The following ADCY8 variants were observed in gnomAD, a reference collection of about 807,000 sequenced individuals.
ADCY8 encodes adenylate cyclase 8, also known as adenylate cyclase type 8.
ADCY8 carries 51 observed loss-of-function variants against 119.7 expected under a neutral mutation model. That is an observed-to-expected ratio of 0.43 (90% CI 0.34 to 0.54). The LOEUF is 0.54. Among genes scored for constraint, ADCY8 ranks in the 20% least tolerant of loss-of-function variants. ADCY8 has a pLI of 0.03. For missense variants in ADCY8, 1,383 were observed against 1,598.8 expected, an observed-to-expected ratio of 0.87 and a Z score of 2.30; for synonymous variants, 665 against 651.0, an observed-to-expected ratio of 1.02 and a Z score of -0.33.
Position 130,790,779 on chromosome 8 carries a change from C to T in ADCY8, c.3061-5304G>A, listed in dbSNP as rs1222440127. On this transcript the variant is annotated intron_variant, in intron 15 of 17. Coordinates refer to ENST00000286355, the MANE Select transcript of ADCY8 (RefSeq NM_001115.3). Reference sequence around the variant, plus strand: ...AATGAGAGATCCTTCCTCCGTCGATCCATTATACCTTTGGGCTGAGATGGC... The same window carrying T: ...AATGAGAGATCCTTCCTCCGTCGATTCATTATACCTTTGGGCTGAGATGGC... 2.0e-5 allele frequency among the ~76,000 whole-genome samples: 3 copies of T among 152,292 alleles called. No individual in the cohort carries two copies. The East Asian group carries it at 5.8e-4, about 29-fold the overall frequency.
intron 8 of ADCY8, among the ~76,000 whole-genome samples, chr8:130,871,629 G>T (rs7838870): frequency 0.39 from 58,549 of 151,958 alleles, 11,881 homozygotes; most frequent in East Asian, 0.61. Flanking sequence ...CTTTTCAATG[G>T]TGTTGCCTTG....
chr8:130,937,165 G>T lies in ADCY8; in HGVS notation c.1389C>A (p.Asp463Glu). 6.2e-7 allele frequency: 1 copy of T among 1,613,786 alleles called. No homozygotes were observed. Among genetic ancestry groups the T allele is most frequent in the Middle Eastern group, 1.7e-4 (1 of 6,056 alleles). Residue 463 changes from aspartate to glutamate, a missense_variant, in exon 5 of 18, where the codon GAC becomes GAA. By Grantham distance (45) the Asp-to-Glu change is conservative. This residue lies in a region of ADCY8 where 928 missense variants were observed against 1,163.5 expected (regional missense o/e 0.80). Transcript: ENST00000286355. ...GAAGTCCAGACACGCAGTAGTAGCA[G>T]TCCCCCAGGATTTTAATACGAAGGC... is the stretch of plus-strand genomic sequence containing the variant. The part of the protein sequence containing the change: ...HHCLRIKILG[D>E]CYYCVSGLPE...
chr8:130,882,952 C>T (rs915976129), intron 8 of ADCY8, among the ~76,000 whole-genome samples: 19 of 152,106 alleles, frequency 1.2e-4, no homozygotes, highest in African/African-American at 4.6e-4. Context: ...CCATGCAATG[C>T]ATAGCACAGG....
At chr8:131,014,087 A>G (rs2130784519) in intron 1 of ADCY8, among the ~76,000 whole-genome samples, 1 of 152,330 alleles carries the variant, frequency 6.6e-6, no homozygotes, top group South Asian at 2.1e-4. Context: ...AGACCAATCA[A>G]GTGGTCTCCC....
chr8:130,877,251 C>T (rs1448771481), intron 8 of ADCY8, among the ~76,000 whole-genome samples: 1 of 152,318 alleles, frequency 6.6e-6, no homozygotes, highest in African/African-American at 2.4e-5. Flanking sequence ...TGGCCATTAT[C>T]ATGCCCAATT....
At chr8:130,986,681 C>T (rs1268530463) in intron 2 of ADCY8, among the ~76,000 whole-genome samples, 3 of 152,180 alleles carry the variant, frequency 2.0e-5, no homozygotes, top group Admixed American at 6.5e-5. Context: ...ATACATGGCA[C>T]AGGCTGGTGA....
In ADCY8 at chr8:130,849,713, C is replaced by A. The variant is rs1448526744; in HGVS notation, c.2301G>T (p.Leu767Phe). 4 of 1,613,822 alleles carry A rather than the reference C, an allele frequency of 2.5e-6. No homozygotes were observed. Among genetic ancestry groups the A allele is most frequent in the Non-Finnish European group, 2.5e-6 (3 of 1,179,930 alleles). ...AGCAAGTTTTCCGGAGGATGAGGGG[C>A]AAACATTTATAATCCTCTGCTGTGG... ...LITTAEDYKC[L>F]PLILRKTCCW... The change falls in exon 10 of 18, where the codon TTG becomes TTT. Residue 767 changes from leucine to phenylalanine, a missense_variant. Leu to Phe is a conservative substitution (Grantham distance 22). This residue lies in a region of ADCY8 where 928 missense variants were observed against 1,163.5 expected (regional missense o/e 0.80). Transcript: ENST00000286355.
intron 9 of ADCY8, among the ~76,000 whole-genome samples, chr8:130,858,497 T>C (rs1463426501): frequency 6.6e-6 from 1 of 152,204 alleles, no homozygotes; most frequent in East Asian, 1.9e-4. Context: ...AGAGGTTATA[T>C]GCCATACTTA....
At chr8:130,837,485 C>A (rs775568560) in intron 11 of ADCY8, among the ~76,000 whole-genome samples, 1 of 152,170 alleles carries the variant, frequency 6.6e-6, no homozygotes, top group African/African-American at 2.4e-5. Context: ...CTCCACAGCA[C>A]CCTGCATAGA....
intron 5 of ADCY8, among the ~76,000 whole-genome samples, chr8:130,914,195 A>T (rs1750098037): frequency 1.3e-5 from 2 of 152,212 alleles, no homozygotes; most frequent in Admixed American, 1.3e-4. Context: ...CACATAGTTT[A>T]ATCTGACCCT....
rs537135309 is a variant in ADCY8 at position 130,930,183 on chromosome 8, C to T, written c.1481+6890G>A. Among the ~76,000 whole-genome samples, 20 of 151,498 alleles carry T rather than the reference C, an allele frequency of 1.3e-4. No individual in the cohort carries two copies. The South Asian group carries it at 4.2e-3, about 32-fold the overall frequency. ...TTGTTTTGTAGATCTTGTGTTACTT[C>T]TTCCTTTCCTTTTGTCTTCCTCTGA... On this transcript the variant is annotated intron_variant, in intron 5 of 17. Transcript: ENST00000286355.
intron 8 of ADCY8, among the ~76,000 whole-genome samples, chr8:130,874,723 G>A (rs994261322): frequency 6.6e-5 from 10 of 152,066 alleles, no homozygotes; most frequent in Admixed American, 1.3e-4. Context: ...CCTTGATAGC[G>A]GGGTTAGACT....
intron 15 of ADCY8, among the ~76,000 whole-genome samples, chr8:130,799,237 T>A (rs552590796): frequency 1.3e-5 from 2 of 152,290 alleles, no homozygotes; most frequent in Admixed American, 6.5e-5. Context: ...CTATAGTGAA[T>A]AATAATGTAT....
intron 12 of ADCY8, 140 bp downstream of exon 12, chr8:130,836,137 A>T: frequency 2.1e-6 from 2 of 954,664 alleles, no homozygotes; most frequent in Non-Finnish European, 3.0e-6. Flanking sequence ...CTTGTAAACT[A>T]CAGAATGCCT....
chr8:130,844,885 T>G (rs1033701043), intron 11 of ADCY8, among the ~76,000 whole-genome samples: 1 of 152,184 alleles, frequency 6.6e-6, no homozygotes, highest in Non-Finnish European at 1.5e-5. Flanking sequence ...TGTTGAGTTG[T>G]ATCATAACAT....
At chr8:130,919,848 T>C (rs1820246254) in intron 5 of ADCY8, among the ~76,000 whole-genome samples, 1 of 152,160 alleles carries the variant, frequency 6.6e-6, no homozygotes, top group Non-Finnish European at 1.5e-5. Context: ...TCTTGCTTGT[T>C]TCTGTTGTGG....
At chr8:130,857,590 C>T (rs1016419319) in intron 9 of ADCY8, among the ~76,000 whole-genome samples, 6 of 152,148 alleles carry the variant, frequency 3.9e-5, no homozygotes, top group African/African-American at 1.4e-4. Context: ...AAGCTGGAAT[C>T]AAAGGCCTGA....
intron 5 of ADCY8, among the ~76,000 whole-genome samples, chr8:130,921,379 C>A (rs916993019): frequency 2.0e-5 from 3 of 151,140 alleles, no homozygotes; most frequent in Admixed American, 6.6e-5. Context: ...AATGCATGAG[C>A]ATTTTTCATG....
chr8:131,010,957 A>G (rs562337725), intron 1 of ADCY8, among the ~76,000 whole-genome samples: 17 of 152,360 alleles, frequency 1.1e-4, no homozygotes, highest in Non-Finnish European at 2.5e-4. Flanking sequence ...ACCTAACCCC[A>G]GTGAAGCAGT....
Sources: allele counts gnomAD v4.1 joint callset (sites outside exome capture counted in the v4.1 genomes callset), GRCh38; gene constraint gnomAD v4.1.1; regional missense constraint gnomAD v4.1.1; transcripts MANE v1.5; gene names NCBI Gene and HGNC (gene_info 2026-07-23, HGNC 2026-07-21).